Variants in MECOM observed in about 807,000 individuals in gnomAD.
MECOM encodes the protein histone-lysine N-methyltransferase MECOM.
Under a neutral mutation model 116.3 loss-of-function variants are expected in MECOM, and 13 were observed. That is an observed-to-expected ratio of 0.11 (90% CI 0.07 to 0.18). The LOEUF (loss-of-function observed/expected upper bound fraction) is 0.18. Among genes scored for constraint, MECOM ranks in the 10% least tolerant of loss-of-function variants. The pLI, the probability that MECOM is intolerant of heterozygous loss-of-function variation, is 1.00. For synonymous variants in MECOM, 528 were observed against 535.2 expected, an observed-to-expected ratio of 0.99 and a Z score of 0.19; for missense variants, 1,299 against 1,509.0, an observed-to-expected ratio of 0.86 and a Z score of 2.31.
At chr3:169,361,969 C>T (rs1486667497) in intron 2 of MECOM, among the ~76,000 whole-genome samples, 2 of 151,978 alleles carry the variant, frequency 1.3e-5, no homozygotes, top group African/African-American at 2.4e-5. Flanking sequence ...ACCTTCTCTG[C>T]TAACATATAA....
intron 2 of MECOM, among the ~76,000 whole-genome samples, chr3:169,375,918 C>T (rs115261095): frequency 0.016 from 2,407 of 152,110 alleles, 22 homozygotes; most frequent in Non-Finnish European, 0.025. Flanking sequence ...AATGTTGATG[C>T]GAAAATCCTC....
intron 1 of MECOM, among the ~76,000 whole-genome samples, chr3:169,509,873 A>G (rs1237917339): frequency 6.6e-6 from 1 of 152,198 alleles, no homozygotes; most frequent in Non-Finnish European, 1.5e-5. Context: ...TTTGCGATTC[A>G]GGAAGAGTCC....
intron 1 of MECOM, among the ~76,000 whole-genome samples, chr3:169,593,398 G>A (rs1162797509): frequency 2.0e-5 from 3 of 152,150 alleles, no homozygotes; most frequent in African/African-American, 2.4e-5. Context: ...AGACAAGAAC[G>A]CTGATGGAGA....
chr3:169,351,702 C>T (rs1409461865), intron 2 of MECOM, among the ~76,000 whole-genome samples: 1 of 151,630 alleles, frequency 6.6e-6, no homozygotes, highest in Non-Finnish European at 1.5e-5. Flanking sequence ...TTTGACCATC[C>T]CCAGAACCTG....
At chr3:169,512,251 C>A (rs1756062445) in intron 1 of MECOM, among the ~76,000 whole-genome samples, 1 of 152,178 alleles carries the variant, frequency 6.6e-6, no homozygotes, top group Non-Finnish European at 1.5e-5. Flanking sequence ...CCTACCATAC[C>A]CTGAGGCCAA....
At chr3:169,565,286 T>C (rs1352743274) in intron 1 of MECOM, among the ~76,000 whole-genome samples, 1 of 152,136 alleles carries the variant, frequency 6.6e-6, no homozygotes, top group African/African-American at 2.4e-5. Flanking sequence ...CCTATCTACT[T>C]TGGAGCATCC....
At chr3:169,365,003 T>G (rs1206463955) in intron 2 of MECOM, among the ~76,000 whole-genome samples, 1 of 152,050 alleles carries the variant, frequency 6.6e-6, no homozygotes, top group East Asian at 1.9e-4. Context: ...GTTCTCTTAT[T>G]AAACATAATG....
At chr3:169,191,736 GAAAGAGAA>G (rs1212413334) in intron 2 of MECOM, among the ~76,000 whole-genome samples, 10 of 31,224 alleles carry the variant, frequency 3.2e-4, no homozygotes, top group Middle Eastern at 0.02. Context: ...AAGAAAGAAA[GAAAGAGAA>G]AGAAAGAAAG....
chr3:169,441,371 A>G (rs1025131014), intron 1 of MECOM, among the ~76,000 whole-genome samples: 3 of 152,222 alleles, frequency 2.0e-5, no homozygotes, highest in African/African-American at 7.2e-5. Context: ...CAACTTAACT[A>G]TTTGAATCAT....
At chr3:169,395,808 C>T (rs1307863906) in intron 1 of MECOM, among the ~76,000 whole-genome samples, 1 of 152,178 alleles carries the variant, frequency 6.6e-6, no homozygotes, top group Non-Finnish European at 1.5e-5. Context: ...ACTAGCCATA[C>T]CTTATAGATT....
intron 1 of MECOM, among the ~76,000 whole-genome samples, chr3:169,482,625 C>T (rs1048331921): frequency 7.2e-5 from 11 of 152,156 alleles, no homozygotes; most frequent in South Asian, 2.1e-4. Context: ...TGAGCCACCG[C>T]GCCCGGCAAC....
chr3:169,108,212 A>G lies in MECOM; in HGVS notation c.2578-260T>C, dbSNP rs183967700. Among the ~76,000 whole-genome samples the G allele has an allele frequency of 3.3e-3, 496 of 152,320 alleles. 3 individuals are homozygous for G. Among genetic ancestry groups the G allele is most frequent in the Non-Finnish European group, 5.3e-3 (359 of 68,016 alleles). On this transcript the variant is annotated intron_variant, in intron 9 of 16. Coordinates refer to ENST00000651503, the MANE Select transcript of MECOM (RefSeq NM_004991.4). ...TAAATGCTACCTACTAGCAAATCTT[A>G]CAGCAAAGCAGATGCTTCCTTTTTA...
chr3:169,190,221 C>G (rs1364134778), intron 2 of MECOM, among the ~76,000 whole-genome samples: 1 of 151,956 alleles, frequency 6.6e-6, no homozygotes, highest in Non-Finnish European at 1.5e-5. Flanking sequence ...TAATCTAAAT[C>G]TAAACTTTCA....
chr3:169,591,190 G>C (rs75721911), intron 1 of MECOM, among the ~76,000 whole-genome samples: 1 of 152,066 alleles, frequency 6.6e-6, no homozygotes, highest in Non-Finnish European at 1.5e-5. Flanking sequence ...CAGCCCTCTC[G>C]CTTATTAGTG....
chr3:169,127,717 CAT>C, intron 5 of MECOM, 125 bp downstream of exon 5: 1 of 699,702 alleles, frequency 1.4e-6, no homozygotes, highest in Non-Finnish European at 2.5e-6. Flanking sequence ...GATTTCTGAA[CAT>C]GTCACGAGTG....
At chr3:169,640,353 A>G (rs1773311785) in intron 1 of MECOM, among the ~76,000 whole-genome samples, 1 of 152,184 alleles carries the variant, frequency 6.6e-6, no homozygotes, top group African/African-American at 2.4e-5. Context: ...CTGTCAATAA[A>G]AAAGTGTTGA....
At chr3:169,520,164 GA>G (rs1757183580) in intron 1 of MECOM, among the ~76,000 whole-genome samples, 1 of 152,152 alleles carries the variant, frequency 6.6e-6, no homozygotes, top group Non-Finnish European at 1.5e-5. Context: ...GAACAAGATA[GA>G]AAGAGAGTCT....
intron 2 of MECOM, among the ~76,000 whole-genome samples, chr3:169,156,432 C>T (rs574957187): frequency 2.0e-5 from 3 of 152,232 alleles, no homozygotes; most frequent in Admixed American, 6.5e-5. Context: ...TTTCTATCAA[C>T]TGACTGTTCT....
chr3:169,272,723 T>C (rs969221581), intron 2 of MECOM, among the ~76,000 whole-genome samples: 1 of 152,140 alleles, frequency 6.6e-6, no homozygotes, highest in African/African-American at 2.4e-5. Flanking sequence ...GGCCGGCCCC[T>C]GTGACCTTCA....
Sources: allele counts gnomAD v4.1 joint callset (sites outside exome capture counted in the v4.1 genomes callset), GRCh38; gene constraint gnomAD v4.1.1; transcripts MANE v1.5; gene names NCBI Gene and HGNC (gene_info 2026-07-23, HGNC 2026-07-21).